RBPJ: variants seen among roughly 807,000 people sequenced by gnomAD.
RBPJ encodes recombination signal binding protein for immunoglobulin kappa J region.
In RBPJ, 9 loss-of-function variants were observed where a neutral mutation model predicts 67.8. That is an observed-to-expected ratio of 0.13 (90% CI 0.08 to 0.23). The LOEUF (loss-of-function observed/expected upper bound fraction) is 0.23, where lower values mean the gene tolerates loss of function less well. Among genes scored for constraint, RBPJ ranks in the 10% least tolerant of loss-of-function variants. The pLI, the probability that RBPJ is intolerant of heterozygous loss-of-function variation, is 1.00. For missense variants in RBPJ, 305 were observed against 595.6 expected, an observed-to-expected ratio of 0.51 and a Z score of 5.08; for synonymous variants, 198 against 203.3, an observed-to-expected ratio of 0.97 and a Z score of 0.22.
chr4:26,178,627 A>AG (rs1186327278), intron 1 of RBPJ, among the ~76,000 whole-genome samples: 2 of 150,582 alleles, frequency 1.3e-5, no homozygotes, highest in Non-Finnish European at 3.0e-5. Flanking sequence ...AAAAAAAAAA[A>AG]AAGAAGTCCC....
chr4:26,222,718 G>T (rs2087221798), intron 1 of RBPJ, among the ~76,000 whole-genome samples: 1 of 149,900 alleles, frequency 6.7e-6, no homozygotes, highest in Non-Finnish European at 1.5e-5. Flanking sequence ...ACAAGTGAAT[G>T]AATAAATGAA....
chr4:26,114,475 G>GTA, the RBPJ span, among the ~76,000 whole-genome samples: 2 of 89,154 alleles, frequency 2.2e-5, no homozygotes, highest in Admixed American at 2.0e-4. Flanking sequence ...AAAAAAGAAT[G>GTA]TACATATATA....
intron 1 of RBPJ, among the ~76,000 whole-genome samples, chr4:26,168,200 G>A (rs1204589870): frequency 6.6e-6 from 1 of 152,146 alleles, no homozygotes; most frequent in East Asian, 1.9e-4. Flanking sequence ...TGATTTTGCA[G>A]CAGCTGGTAC....
the RBPJ span, among the ~76,000 whole-genome samples, chr4:26,152,414 A>T: frequency 6.6e-6 from 1 of 152,244 alleles, no homozygotes; most frequent in Non-Finnish European, 1.5e-5. Flanking sequence ...TGATGCTTTC[A>T]GATTGTTGTT....
chr4:26,113,385 C>T, the RBPJ span: 2 of 542,228 alleles, frequency 3.7e-6, no homozygotes, highest in East Asian at 7.8e-5. Context: ...CTTCAGAGAA[C>T]ACACACAGGA....
intron 1 of RBPJ, among the ~76,000 whole-genome samples, chr4:26,325,772 T>C (rs1723563547): frequency 6.6e-6 from 1 of 152,216 alleles, no homozygotes; most frequent in African/African-American, 2.4e-5. Flanking sequence ...TTTTGACATC[T>C]CTGCATGAGC....
intron 1 of RBPJ, among the ~76,000 whole-genome samples, chr4:26,292,755 G>A (rs1433474358): frequency 1.3e-5 from 2 of 150,248 alleles, no homozygotes; most frequent in Non-Finnish European, 3.0e-5. Context: ...TATTGTGTAT[G>A]TATTAAAAAA....
At chr4:26,157,362 G>A in the RBPJ span, among the ~76,000 whole-genome samples, 2 of 152,112 alleles carry the variant, frequency 1.3e-5, no homozygotes, top group Non-Finnish European at 1.5e-5. Flanking sequence ...AAGCCCAGGA[G>A]TTTGAGGTTA....
chr4:26,254,313 CCTT>C (rs1720220088), intron 1 of RBPJ, among the ~76,000 whole-genome samples: 1 of 148,992 alleles, frequency 6.7e-6, no homozygotes, highest in South Asian at 2.1e-4. Flanking sequence ...GCCCAGAGCT[CCTT>C]CTCCTACCTC....
At chr4:26,367,204 C>A (rs1421216709) in intron 1 of RBPJ, among the ~76,000 whole-genome samples, 4 of 151,908 alleles carry the variant, frequency 2.6e-5, no homozygotes, top group Middle Eastern at 3.4e-3. Context: ...CAGTTCAGGC[C>A]AAGTGCAGTT....
intron 1 of RBPJ, among the ~76,000 whole-genome samples, chr4:26,295,763 T>A (rs1288826359): frequency 6.6e-6 from 1 of 152,198 alleles, no homozygotes; most frequent in Non-Finnish European, 1.5e-5. Context: ...CTTCAGCCAC[T>A]CAGTGTGGGC....
At chr4:26,403,493 C>T (rs1560327477) in intron 2 of RBPJ, among the ~76,000 whole-genome samples, 1 of 152,006 alleles carries the variant, frequency 6.6e-6, no homozygotes, top group Non-Finnish European at 1.5e-5. Flanking sequence ...GGTATTACGC[C>T]CAGTACCCAA....
At chr4:26,285,355 C>T (rs1027062791) in intron 1 of RBPJ, among the ~76,000 whole-genome samples, 1 of 142,584 alleles carries the variant, frequency 7.0e-6, no homozygotes, top group Non-Finnish European at 1.5e-5. Context: ...TCTATTAGGG[C>T]ATAACAAGTT....
At chr4:26,255,530 T>G (rs181869586) in intron 1 of RBPJ, among the ~76,000 whole-genome samples, 8 of 147,864 alleles carry the variant, frequency 5.4e-5, no homozygotes, top group East Asian at 2.0e-4. Flanking sequence ...CGGCCGGGCG[T>G]GGTGGCTCAA....
At chr4:26,292,913 T>G (rs1274410712) in intron 1 of RBPJ, among the ~76,000 whole-genome samples, 2 of 150,726 alleles carry the variant, frequency 1.3e-5, no homozygotes, top group Non-Finnish European at 3.0e-5. Context: ...TGAATAATGC[T>G]CCAATGAACA....
At chr4:26,191,975 T>C (rs1485910025) in intron 1 of RBPJ, among the ~76,000 whole-genome samples, 3 of 151,880 alleles carry the variant, frequency 2.0e-5, no homozygotes, top group Non-Finnish European at 4.4e-5. Context: ...CAAACCACTA[T>C]CCTGACTATA....
At chr4:26,344,397 G>C (rs1725909017) in intron 1 of RBPJ, among the ~76,000 whole-genome samples, 1 of 151,684 alleles carries the variant, frequency 6.6e-6, no homozygotes, top group Non-Finnish European at 1.5e-5. Context: ...ATCACGCCCG[G>C]CTAATTTTTT....
upstream of RBPJ, among the ~76,000 whole-genome samples, chr4:26,316,221 G>A (rs189185120): frequency 2.9e-3 from 432 of 149,740 alleles, 4 homozygotes; most frequent in African/African-American, 0.01. Context: ...CAGTCTCTCC[G>A]TTCAGGGTCC....
chr4:26,250,530 G>A (rs1055647889), intron 1 of RBPJ, among the ~76,000 whole-genome samples: 15 of 151,698 alleles, frequency 9.9e-5, no homozygotes, highest in East Asian at 2.0e-4. Flanking sequence ...ATGGGGTTTC[G>A]CCATGTTGGC....
Sources: allele counts gnomAD v4.1 joint callset (sites outside exome capture counted in the v4.1 genomes callset), GRCh38; gene constraint gnomAD v4.1.1; transcripts MANE v1.5; gene names NCBI Gene and HGNC (gene_info 2026-07-23, HGNC 2026-07-21).